CORIN: variants seen among roughly 807,000 people sequenced by gnomAD.
CORIN encodes corin, serine peptidase, also known as atrial natriuretic peptide-converting enzyme.
A neutral mutation model predicts 125.3 loss-of-function variants in CORIN; 117 were observed. The observed-to-expected ratio is 0.93, with a 90% CI of 0.80 to 1.09. The LOEUF (loss-of-function observed/expected upper bound fraction) is 1.09, where lower values mean the gene tolerates loss of function less well. Ranked by LOEUF, CORIN falls within the 50% of genes least tolerant of loss-of-function variation. The probability of loss-of-function intolerance (pLI) is 0.00; values close to 1 mark genes in which losing one functional copy is unlikely to be tolerated. For missense variants in CORIN, 1,253 were observed against 1,306.7 expected, an observed-to-expected ratio of 0.96 and a Z score of 0.63; for synonymous variants, 450 against 466.4, an observed-to-expected ratio of 0.96 and a Z score of 0.45.
At chr4:47,778,915 AT>A (rs1730408188) in intron 3 of CORIN, among the ~76,000 whole-genome samples, 2 of 152,014 alleles carry the variant, frequency 1.3e-5, no homozygotes, top group South Asian at 2.1e-4. Context: ...CCAACAAAAT[AT>A]TTTTTTCCTC....
intron 5 of CORIN, among the ~76,000 whole-genome samples, chr4:47,709,570 G>T (rs1196711873): frequency 6.6e-6 from 1 of 152,052 alleles, no homozygotes; most frequent in East Asian, 1.9e-4. Flanking sequence ...AGAATTACAG[G>T]CATGAACCAC....
At chr4:47,768,781 T>C (rs1729883960) in intron 3 of CORIN, among the ~76,000 whole-genome samples, 1 of 152,184 alleles carries the variant, frequency 6.6e-6, no homozygotes, top group Non-Finnish European at 1.5e-5. Flanking sequence ...CATCCTTTCA[T>C]GATAAGACCT....
Position 47,687,272 on chromosome 4 carries a change from G to GAAA in CORIN, c.914-3435_914-3434insTTT, listed in dbSNP as rs1240873147. 2.6e-5 allele frequency among the ~76,000 whole-genome samples: 4 copies of GAAA among 152,326 alleles called. No individual in the cohort carries two copies. In the South Asian group the frequency reaches 8.3e-4, roughly 32 times the overall value. ...AATACAAATGGCAAATGCAAATACAGTAGCAAATGGCAAAGATCACAGTGT... is the reference window on the plus strand; with the variant it reads ...AATACAAATGGCAAATGCAAATACAGAAATAGCAAATGGCAAAGATCACAGTGT... On this transcript the variant is annotated intron_variant, in intron 6 of 21. Transcript: ENST00000273857.
At chr4:47,837,053 T>C (rs73141913) in intron 1 of CORIN, among the ~76,000 whole-genome samples, 4,296 of 152,292 alleles carry the variant, frequency 0.028, 220 homozygotes, top group African/African-American at 0.099. Flanking sequence ...CGTGGTGCCC[T>C]TCCCTTTCTT....
At chr4:47,805,517 C>T (rs916387048) in intron 2 of CORIN, among the ~76,000 whole-genome samples, 4 of 152,238 alleles carry the variant, frequency 2.6e-5, no homozygotes, top group Non-Finnish European at 4.4e-5. Context: ...GTCAGAGCCC[C>T]GAACTGGTCT....
intron 12 of CORIN, among the ~76,000 whole-genome samples, chr4:47,658,165 A>G (rs1310201969): frequency 6.6e-6 from 1 of 152,210 alleles, no homozygotes; most frequent in Non-Finnish European, 1.5e-5. Flanking sequence ...CTTATTTCAA[A>G]AGGGAGAAAT....
chr4:47,653,866 C>T (rs61760483), intron 12 of CORIN, among the ~76,000 whole-genome samples: 2 of 152,226 alleles, frequency 1.3e-5, no homozygotes, highest in African/African-American at 4.8e-5. Context: ...CCTCTAGATA[C>T]GCGGTTTAAC....
intron 13 of CORIN, chr4:47,652,730 G>C (rs1723790731): frequency 1.3e-5 from 2 of 152,068 alleles, no homozygotes; most frequent in Admixed American, 6.6e-5. Flanking sequence ...TTTATCCTTT[G>C]CCGAAAGAGA....
chr4:47,797,074 T>C (rs1348831082), intron 2 of CORIN, among the ~76,000 whole-genome samples: 2 of 151,980 alleles, frequency 1.3e-5, no homozygotes, highest in Admixed American at 1.3e-4. Flanking sequence ...CTGTGTTGCA[T>C]ATAACAGACA....
intron 4 of CORIN, among the ~76,000 whole-genome samples, chr4:47,751,145 CT>C (rs1243404051): frequency 3.3e-5 from 5 of 152,190 alleles, no homozygotes; most frequent in African/African-American, 4.8e-5. Context: ...AGAAGGAAAG[CT>C]GTTTTCATTT....
intron 5 of CORIN, among the ~76,000 whole-genome samples, chr4:47,718,237 A>T (rs989745960): frequency 1.3e-5 from 2 of 152,218 alleles, no homozygotes; most frequent in African/African-American, 4.8e-5. Context: ...ACTAATTCCA[A>T]TGAAACTCCC....
At chr4:47,696,416 A>C (rs1019913910) in intron 5 of CORIN, among the ~76,000 whole-genome samples, 2 of 152,174 alleles carry the variant, frequency 1.3e-5, no homozygotes, top group African/African-American at 4.8e-5. Context: ...AGTGTCTACT[A>C]TGTGCAAAGT....
At chr4:47,754,004 A>G (rs1308294918) in intron 4 of CORIN, among the ~76,000 whole-genome samples, 2 of 152,168 alleles carry the variant, frequency 1.3e-5, no homozygotes, top group Non-Finnish European at 2.9e-5. Context: ...CACTTTCCTC[A>G]ACACATAATA....
intron 3 of CORIN, 90 bp downstream of exon 3, chr4:47,786,635 T>C (rs1730827850): frequency 2.1e-6 from 2 of 938,196 alleles, no homozygotes; most frequent in East Asian, 4.9e-5. Flanking sequence ...GACCGGCAAG[T>C]GATTGTGAAC....
Position 47,838,014 on chromosome 4 carries a change from GT to G in CORIN, c.-66del. On this transcript the variant is annotated 5_prime_UTR_variant, in exon 1 of 22. Coordinates refer to ENST00000273857, the MANE Select transcript of CORIN (RefSeq NM_006587.4). ...TTGGTCGCTTTTCTCTCCTCTACGT[GT>G]CCCCCGGGGAGGCACTACGGATGAT... The G allele has an allele frequency of 2.5e-6, 4 of 1,598,246 alleles. No individual in the cohort carries two copies. In the South Asian group the frequency reaches 3.3e-5, roughly 13 times the overall value.
chr4:47,618,625 C>T (rs1722176782), intron 19 of CORIN, among the ~76,000 whole-genome samples: 2 of 151,996 alleles, frequency 1.3e-5, no homozygotes, highest in South Asian at 4.1e-4. Context: ...CGAGACCATC[C>T]TGGCTAACAT....
chr4:47,763,776 A>G, intron 3 of CORIN, among the ~76,000 whole-genome samples, 190 bp from the exon 4 acceptor site: 1 of 152,080 alleles, frequency 6.6e-6, no homozygotes, highest in Non-Finnish European at 1.5e-5. Flanking sequence ...AAATATTTAC[A>G]GAGGAAAAGC....
intron 12 of CORIN, among the ~76,000 whole-genome samples, chr4:47,657,249 A>G (rs761948253): frequency 6.6e-6 from 1 of 152,088 alleles, no homozygotes; most frequent in Non-Finnish European, 1.5e-5. Context: ...AATACCTGAT[A>G]CCAGCCAGGC....
chr4:47,612,929 A>C (rs1380616869), intron 19 of CORIN, among the ~76,000 whole-genome samples: 2 of 152,216 alleles, frequency 1.3e-5, no homozygotes, highest in Non-Finnish European at 2.9e-5. Flanking sequence ...GCTAGGTTCC[A>C]AAAAATGCAA....
Sources: allele counts gnomAD v4.1 joint callset (sites outside exome capture counted in the v4.1 genomes callset), GRCh38; gene constraint gnomAD v4.1.1; transcripts MANE v1.5; gene names NCBI Gene and HGNC (gene_info 2026-07-23, HGNC 2026-07-21).